KLHDC1: variants seen among roughly 807,000 people sequenced by gnomAD.
KLHDC1 encodes the protein kelch domain containing 1.
A neutral mutation model predicts 68.3 loss-of-function variants in KLHDC1; 53 were observed. The ratio of observed to expected loss-of-function variants is 0.78; its 90% confidence interval spans 0.62 to 0.98. The LOEUF (loss-of-function observed/expected upper bound fraction) is 0.98, where lower values mean the gene tolerates loss of function less well. KLHDC1 is among the 50% of genes least tolerant of loss of function. KLHDC1 has a pLI of 0.00. For synonymous variants in KLHDC1, 148 were observed against 159.0 expected (o/e 0.93, Z 0.52); for missense variants, 470 against 492.3 (o/e 0.95, Z 0.43).
intron 1 of KLHDC1, among the ~76,000 whole-genome samples, chr14:49,699,353 C>CT (rs1407954084): frequency 3.3e-5 from 5 of 149,622 alleles, no homozygotes; most frequent in Admixed American, 1.3e-4. Context: ...CAAGAAGTGT[C>CT]TAAGGCATAA....
At chr14:49,699,417 G>A (rs1430112633) in intron 1 of KLHDC1, among the ~76,000 whole-genome samples, 1 of 149,650 alleles carries the variant, frequency 6.7e-6, no homozygotes, top group African/African-American at 2.5e-5. Context: ...GGTAGTATAG[G>A]CTTTAAAAAA....
chr14:49,699,671 T>C (rs1021340228), intron 1 of KLHDC1, among the ~76,000 whole-genome samples: 5 of 152,224 alleles, frequency 3.3e-5, no homozygotes, highest in Non-Finnish European at 5.9e-5. Context: ...CACCGATATC[T>C]GTCTAAATTA....
intron 1 of KLHDC1, among the ~76,000 whole-genome samples, chr14:49,707,994 A>G (rs1045637510): frequency 1.3e-5 from 2 of 151,754 alleles, no homozygotes; most frequent in Non-Finnish European, 2.9e-5. Flanking sequence ...AGAAACAGCT[A>G]AATCTTCTTA....
intron 1 of KLHDC1, among the ~76,000 whole-genome samples, chr14:49,705,365 C>CTTTTTTGTTTTTTTTT (rs1888021056): frequency 1.4e-5 from 1 of 71,664 alleles, no homozygotes; most frequent in African/African-American, 5.5e-5. Context: ...TTCTTTCTTT[C>CTTTTTTGTTTTTTTTT]TTTTTTTTTT....
In KLHDC1 at chr14:49,710,283, A is replaced by G. The variant is rs1888163642; in HGVS notation, c.306A>G (p.Arg102=). The G allele has an allele frequency of 1.2e-6, 2 of 1,601,392 alleles. No homozygotes were observed. Among genetic ancestry groups the G allele is most frequent in the South Asian group, 2.2e-5 (2 of 90,772 alleles). The change falls in exon 4 of 13, where the codon CGA becomes CGG. Residue 102 remains arginine (R), a synonymous_variant. Coordinates refer to ENST00000359332, the MANE Select transcript of KLHDC1 (RefSeq NM_172193.3). ...YSNRLYFVNL[R]TRDETYIWEK... ...TAAAGCTTTATTTTGTTAATTTACG[A>G]ACAAGAGATGAAACCTACATTTGGG...
At chr14:49,735,460 C>T (rs1457324042) in intron 10 of KLHDC1, among the ~76,000 whole-genome samples, 2 of 151,854 alleles carry the variant, frequency 1.3e-5, no homozygotes, top group Admixed American at 6.6e-5. Context: ...AGAAAAAGGC[C>T]TGAAAATATT....
chr14:49,695,976 G>A (rs1887729790), intron 1 of KLHDC1, among the ~76,000 whole-genome samples: 1 of 151,606 alleles, frequency 6.6e-6, no homozygotes, highest in Non-Finnish European at 1.5e-5. Flanking sequence ...TGAGGCAGGA[G>A]AATGGCGAGA....
chr14:49,741,104 A>G (rs1889054054), intron 11 of KLHDC1, among the ~76,000 whole-genome samples: 2 of 152,182 alleles, frequency 1.3e-5, no homozygotes, highest in Admixed American at 6.5e-5. Flanking sequence ...AAAGAAATAT[A>G]TATTTTTATC....
At chr14:49,731,468 T>A (rs1340690394) in intron 8 of KLHDC1, among the ~76,000 whole-genome samples, 1 of 152,000 alleles carries the variant, frequency 6.6e-6, no homozygotes, top group East Asian at 1.9e-4. Context: ...TATTTTATTT[T>A]ATTTATTTAT....
chr14:49,746,708 G>C (rs1889206908), intron 12 of KLHDC1, among the ~76,000 whole-genome samples: 1 of 152,150 alleles, frequency 6.6e-6, no homozygotes, highest in South Asian at 2.1e-4. Context: ...AGTCACTGAG[G>C]ACTTTGGCCC....
intron 1 of KLHDC1, among the ~76,000 whole-genome samples, chr14:49,707,979 C>T (rs1349883841): frequency 6.6e-6 from 1 of 151,150 alleles, no homozygotes; most frequent in Non-Finnish European, 1.5e-5. Flanking sequence ...AAAGAACATA[C>T]AATGAGAAAC....
At chr14:49,709,068 AT>A (rs2139737689) in intron 1 of KLHDC1, 90 bp from the exon 2 acceptor site, 1 of 620,516 alleles carries the variant, frequency 1.6e-6, no homozygotes, top group South Asian at 2.0e-5. Context: ...GTTTTATAGT[AT>A]TTTATTAGCA....
chr14:49,746,301 A>G (rs1178591509), intron 12 of KLHDC1, among the ~76,000 whole-genome samples: 8 of 152,204 alleles, frequency 5.3e-5, no homozygotes, highest in African/African-American at 1.9e-4. Context: ...ATAAAATTTC[A>G]TAATCATTGG....
chr14:49,738,650 A>G (rs1478698684), intron 10 of KLHDC1, among the ~76,000 whole-genome samples: 1 of 152,052 alleles, frequency 6.6e-6, no homozygotes. Flanking sequence ...GCCCAGCCTC[A>G]TGTTTGCTTT....
chr14:49,720,060 C>T (rs1312161420), intron 4 of KLHDC1, among the ~76,000 whole-genome samples: 2 of 151,504 alleles, frequency 1.3e-5, no homozygotes, highest in African/African-American at 4.9e-5. Context: ...GATCTTGGCT[C>T]ACCACAACCT....
chr14:49,716,516 T>C (rs932879859), intron 4 of KLHDC1, among the ~76,000 whole-genome samples: 2 of 152,006 alleles, frequency 1.3e-5, no homozygotes, highest in East Asian at 1.9e-4. Context: ...CCCAAGTAGC[T>C]GGGGTTACAG....
chr14:49,726,461 C>T (rs1193686230), intron 6 of KLHDC1, among the ~76,000 whole-genome samples: 1 of 152,138 alleles, frequency 6.6e-6, no homozygotes, highest in Non-Finnish European at 1.5e-5. Context: ...CTAAGGTTTT[C>T]TAGAAAAAAG....
intron 1 of KLHDC1, among the ~76,000 whole-genome samples, chr14:49,704,333 G>C (rs1302637161): frequency 6.8e-6 from 1 of 147,456 alleles, no homozygotes; most frequent in Admixed American, 6.7e-5. Flanking sequence ...AAAATTGTGT[G>C]AGTTGAATAT....
At chr14:49,730,179 AAATTGT>A (rs1210786789) in intron 8 of KLHDC1, among the ~76,000 whole-genome samples, 1 of 151,964 alleles carries the variant, frequency 6.6e-6, no homozygotes, top group Admixed American at 6.6e-5. Context: ...ATTAAATGGC[AAATTGT>A]AAAATGCAAA....
Sources: gnomAD v4.1 joint callset for allele counts (sites outside exome capture counted in the v4.1 genomes callset) on GRCh38, gnomAD v4.1.1 for gene constraint, MANE v1.5 for transcripts, NCBI Gene and HGNC (gene_info 2026-07-23, HGNC 2026-07-21) for gene names.